PRH1: variants seen among roughly 807,000 people sequenced by gnomAD.
The protein encoded by PRH1 is salivary acidic proline-rich phosphoprotein 1/2.
A neutral mutation model predicts 7.9 loss-of-function variants in PRH1; 7 were observed. The observed-to-expected ratio is 0.89, with a 90% CI of 0.50 to 1.67. The LOEUF is 1.67. Ranked by LOEUF, PRH1 falls within the 40% of genes most tolerant of loss-of-function variation. PRH1 has a pLI of 0.00. For synonymous variants in PRH1, 45 were observed against 80.8 expected, an observed-to-expected ratio of 0.56 and a Z score of 2.38; for missense variants, 109 against 223.6, an observed-to-expected ratio of 0.49 and a Z score of 3.27.
At chr12:11,154,071 A>G (rs957937629) in intron 1 of PRH1, among the ~76,000 whole-genome samples, 3 of 152,222 alleles carry the variant, frequency 2.0e-5, no homozygotes, top group Non-Finnish European at 2.9e-5. Context: ...AGTATATAGT[A>G]TTCAACATAC....
At chr12:11,052,640 GA>G (rs1943194554) in intron 1 of PRH1, among the ~76,000 whole-genome samples, 15 of 139,002 alleles carry the variant, frequency 1.1e-4, no homozygotes, top group South Asian at 7.2e-4. Flanking sequence ...GTGTTTTGAT[GA>G]TAGCATCAGT....
chr12:11,067,059 C>G (rs1282210579), intron 1 of PRH1, among the ~76,000 whole-genome samples: 1 of 151,682 alleles, frequency 6.6e-6, no homozygotes, highest in Admixed American at 6.6e-5. Flanking sequence ...CAAATTCTTG[C>G]AAGCCTTTTT....
chr12:11,071,819 C>G (rs1383872425), intron 1 of PRH1, among the ~76,000 whole-genome samples: 1 of 152,124 alleles, frequency 6.6e-6, no homozygotes, highest in African/African-American at 2.4e-5. Context: ...TGGACAGACC[C>G]CTGCATGGTA....
At chr12:10,930,285 C>T (rs1130408) in intron 2 of PRH1, 56 of 1,613,302 alleles carry the variant, frequency 3.5e-5, no homozygotes, top group Middle Eastern at 3.3e-4. Context: ...GCCAAGAAGA[C>T]GTTCCCTTGG....
At chr12:10,932,903 T>C (rs772407144) in intron 2 of PRH1, among the ~76,000 whole-genome samples, 121 of 151,834 alleles carry the variant, frequency 8.0e-4, no homozygotes, top group Non-Finnish European at 1.4e-3. Flanking sequence ...ACCAGGAGTA[T>C]TGAAAAAAAA....
chr12:10,893,534 C>T (rs911551767), intron 2 of PRH1, among the ~76,000 whole-genome samples: 1 of 152,116 alleles, frequency 6.6e-6, no homozygotes, highest in Non-Finnish European at 1.5e-5. Context: ...TAAATGTCCC[C>T]TAGGGGGGCA....
Position 10,997,208 on chromosome 12 carries a change from A to G in PRH1, c.-125-23487T>C, listed in dbSNP as rs1437803577. 2.0e-5 allele frequency: 32 copies of G among 1,613,992 alleles called. No individual in the cohort carries two copies. The highest frequency in any genetic ancestry group is 2.5e-5 in the Non-Finnish European group (29 of 1,179,994). ...CACAGTTTGCAGAGCTTTTATGTGG[A>G]TCTTGGTGCTGGGATCTTGAGATCC... On this transcript the variant is annotated intron_variant, in intron 1 of 3. Transcript: ENST00000539853.
intron 1 of PRH1, among the ~76,000 whole-genome samples, chr12:11,023,648 T>C (rs1941767508): frequency 6.6e-6 from 1 of 152,176 alleles, no homozygotes; most frequent in African/African-American, 2.4e-5. Context: ...ATATTGAAGT[T>C]TCCTGCTCTT....
chr12:10,986,087 G>A (rs779850072), intron 1 of PRH1: 1 of 1,614,046 alleles, frequency 6.2e-7, no homozygotes, highest in East Asian at 2.2e-5. Context: ...TGACAACCGG[G>A]TCATTCCGCA....
chr12:10,965,098 A>G (rs1208545206), intron 2 of PRH1: 1 of 1,285,080 alleles, frequency 7.8e-7, no homozygotes, highest in East Asian at 3.4e-5. Context: ...CCCAGGCATT[A>G]ATAGTAGTAA....
chr12:11,063,031 T>C (rs1943678013), intron 1 of PRH1, among the ~76,000 whole-genome samples: 1 of 152,106 alleles, frequency 6.6e-6, no homozygotes, highest in Non-Finnish European at 1.5e-5. Flanking sequence ...CAGGAGGTTG[T>C]CTAGGTGAAG....
chr12:10,920,249 A>G (rs1214848630), intron 2 of PRH1, among the ~76,000 whole-genome samples: 1 of 152,004 alleles, frequency 6.6e-6, no homozygotes, highest in African/African-American at 2.4e-5. Context: ...CTTTTTCAAG[A>G]ATTGTCTGAA....
At chr12:10,978,336 A>G (rs1374140662) in intron 1 of PRH1, among the ~76,000 whole-genome samples, 1 of 152,248 alleles carries the variant, frequency 6.6e-6, no homozygotes, top group Non-Finnish European at 1.5e-5. Context: ...TATTCAACAA[A>G]TAATGCTGAG....
intron 2 of PRH1, among the ~76,000 whole-genome samples, chr12:10,916,078 C>A (rs1374289181): frequency 6.6e-6 from 1 of 152,088 alleles, no homozygotes; most frequent in Admixed American, 6.5e-5. Flanking sequence ...GGAGGCCTCA[C>A]AATCATGGTG....
At chr12:10,931,023 C>A in intron 2 of PRH1, 1 of 1,592,386 alleles carries the variant, frequency 6.3e-7, no homozygotes. Flanking sequence ...CCCAAGGGGG[C>A]CGCCCACAAG....
At chr12:10,944,273 C>A (rs961179968) in intron 2 of PRH1, among the ~76,000 whole-genome samples, 1 of 151,862 alleles carries the variant, frequency 6.6e-6, no homozygotes, top group East Asian at 1.9e-4. Context: ...TTTTATAATT[C>A]TTATTGTGTA....
intron 2 of PRH1, among the ~76,000 whole-genome samples, chr12:10,892,963 G>T (rs1052233285): frequency 6.6e-6 from 1 of 152,130 alleles, no homozygotes; most frequent in Non-Finnish European, 1.5e-5. Flanking sequence ...GCCTAAGTAT[G>T]GTAAGCTGGA....
chr12:11,069,996 G>C (rs1175277299), intron 1 of PRH1, among the ~76,000 whole-genome samples: 1 of 152,146 alleles, frequency 6.6e-6, no homozygotes, highest in Non-Finnish European at 1.5e-5. Context: ...CATACCATCT[G>C]AGACTTTTAG....
chr12:10,949,589 A>G (rs1591716726), intron 2 of PRH1, among the ~76,000 whole-genome samples: 1 of 152,232 alleles, frequency 6.6e-6, no homozygotes, highest in East Asian at 1.9e-4. Flanking sequence ...CATGATAATT[A>G]TAATACCATT....
Sources: allele counts gnomAD v4.1 joint callset (sites outside exome capture counted in the v4.1 genomes callset), GRCh38; gene constraint gnomAD v4.1.1; transcripts MANE v1.5; gene names NCBI Gene and HGNC (gene_info 2026-07-23, HGNC 2026-07-21).